Variants in PDE4B observed in about 807,000 individuals in gnomAD.
The protein encoded by PDE4B is phosphodiesterase 4B.
In PDE4B, 20 loss-of-function variants were observed where a neutral mutation model predicts 82.2. The observed-to-expected ratio is 0.24, with a 90% CI of 0.17 to 0.35. The LOEUF is 0.35. Ranked by LOEUF, PDE4B falls within the 10% of genes least tolerant of loss-of-function variation. The pLI is 1.00. For synonymous variants in PDE4B, 320 were observed against 318.9 expected (o/e 1.00, Z -0.04); for missense variants, 655 against 907.2 (o/e 0.72, Z 3.57).
chr1:66,118,360 G>A (rs1490936373), intron 3 of PDE4B, among the ~76,000 whole-genome samples: 1 of 152,176 alleles, frequency 6.6e-6, no homozygotes, highest in Non-Finnish European at 1.5e-5. Context: ...AGAAAATGTG[G>A]CACATATACA....
At chr1:66,319,172 A>T (rs752358384) in intron 7 of PDE4B, among the ~76,000 whole-genome samples, 13 of 152,220 alleles carry the variant, frequency 8.5e-5, no homozygotes, top group African/African-American at 3.1e-4. Flanking sequence ...TCAGGATAGC[A>T]TCAGGCAGAG....
intron 3 of PDE4B, among the ~76,000 whole-genome samples, chr1:66,041,654 G>C (rs1557518466): frequency 6.6e-6 from 1 of 151,898 alleles, no homozygotes; most frequent in Non-Finnish European, 1.5e-5. Flanking sequence ...GTCAAAGATA[G>C]CTGTCTCTGC....
chr1:66,018,552 AGG>A (rs1652907852), intron 3 of PDE4B, among the ~76,000 whole-genome samples: 5 of 152,178 alleles, frequency 3.3e-5, no homozygotes, highest in Non-Finnish European at 5.9e-5. Context: ...GAAATATCAA[AGG>A]ACAATTCCAA....
At chr1:65,924,348 A>G (rs2100495935) in intron 3 of PDE4B, among the ~76,000 whole-genome samples, 1 of 151,654 alleles carries the variant, frequency 6.6e-6, no homozygotes, top group East Asian at 1.9e-4. Context: ...TGCTGGGATT[A>G]CAGGCGTGAG....
rs954889735 is a variant in PDE4B, at chr1:66,021,878, A to C, written c.281+103043A>C. On this transcript the variant is annotated intron_variant, in intron 3 of 16. Coordinates refer to ENST00000341517, the MANE Select transcript of PDE4B (RefSeq NM_002600.4). ...TCATTGGTAGCTTGATGGGGATGGCATTGAATCTATAAATTACCTTGGGCA... is the reference window on the plus strand; with the variant it reads ...TCATTGGTAGCTTGATGGGGATGGCCTTGAATCTATAAATTACCTTGGGCA... Among the ~76,000 whole-genome samples, 121 of 152,286 alleles carry C rather than the reference A, an allele frequency of 7.9e-4. 1 individual carries two copies. Among genetic ancestry groups the C allele is most frequent in the African/African-American group, 2.6e-3 (108 of 41,560 alleles).
rs139955081 is a variant in PDE4B, at chr1:66,199,472, T to G, written c.282-47988T>G. Among the ~76,000 whole-genome samples the G allele has an allele frequency of 6.7e-3, 1,016 of 152,288 alleles. 12 individuals carry two copies. Among genetic ancestry groups the G allele is most frequent in the African/African-American group, 0.022 (932 of 41,532 alleles). ...TTTTGTTTTGTTTGTTTGTTTGTTTTTTTCTTGTAAATTTGTTTGAGTTCA... is the reference window on the plus strand; with the variant it reads ...TTTTGTTTTGTTTGTTTGTTTGTTTGTTTCTTGTAAATTTGTTTGAGTTCA... On this transcript the variant is annotated intron_variant, in intron 3 of 16. Transcript: ENST00000341517.
chr1:66,334,797 C>G (rs191496887), intron 8 of PDE4B, among the ~76,000 whole-genome samples: 4 of 152,204 alleles, frequency 2.6e-5, no homozygotes, highest in Non-Finnish European at 5.9e-5. Context: ...TAACATGCAC[C>G]ATGACACATA....
At chr1:66,039,553 T>C (rs1475758308) in intron 3 of PDE4B, among the ~76,000 whole-genome samples, 1 of 152,038 alleles carries the variant, frequency 6.6e-6, no homozygotes, top group Non-Finnish European at 1.5e-5. Context: ...TCTCTTACTT[T>C]CTCTCATGTC....
chr1:66,026,829 C>T (rs575631305), intron 3 of PDE4B, among the ~76,000 whole-genome samples: 18 of 152,328 alleles, frequency 1.2e-4, no homozygotes, highest in Non-Finnish European at 2.2e-4. Flanking sequence ...GCGTGTTCTT[C>T]ACCTCAACAA....
intron 1 of PDE4B, among the ~76,000 whole-genome samples, chr1:65,813,675 G>A (rs2101207410): frequency 6.6e-6 from 1 of 152,218 alleles, no homozygotes. Flanking sequence ...GATGAGATAG[G>A]TAAATTAAGA....
At chr1:66,239,462 T>C (rs1431372487) in intron 3 of PDE4B, among the ~76,000 whole-genome samples, 6 of 152,234 alleles carry the variant, frequency 3.9e-5, no homozygotes, top group African/African-American at 1.4e-4. Flanking sequence ...GGGGTTTTAG[T>C]AGATAAAAGT....
Position 66,368,850 on chromosome 1 carries a change from C to T in PDE4B, c.1726C>T (p.Arg576Trp), listed in dbSNP as rs750670488. ...CCCCACCAAGTCCTTGGAATTGTAT[C>T]GGCAATGGACAGACCGCATCATGGA... ...SNPTKSLELY[R>W]QWTDRIMEEF... Residue 576 changes from arginine to tryptophan, a missense_variant, in exon 16 of 17, where the codon CGG becomes TGG. This residue lies in a region of PDE4B where 283 missense variants were observed against 516.4 expected (regional missense o/e 0.55). Coordinates refer to ENST00000341517, the MANE Select transcript of PDE4B (RefSeq NM_002600.4). 6.2e-7 allele frequency: 1 copy of T among 1,612,514 alleles called. No homozygotes were observed. The highest frequency in any genetic ancestry group is 8.5e-7 in the Non-Finnish European group (1 of 1,179,040).
chr1:65,865,494 GT>G (rs1238005449), intron 1 of PDE4B, among the ~76,000 whole-genome samples: 1 of 152,124 alleles, frequency 6.6e-6, no homozygotes, highest in Non-Finnish European at 1.5e-5. Context: ...CAGCTGCCCA[GT>G]TTTTTGCTTG....
At chr1:65,875,982 AT>A (rs1258085512) in intron 1 of PDE4B, among the ~76,000 whole-genome samples, 22 of 151,656 alleles carry the variant, frequency 1.5e-4, no homozygotes, top group African/African-American at 5.1e-4. Context: ...AAAAAGAAAG[AT>A]TTTTTTCTTC....
chr1:65,882,837 A>G (rs1646724403), intron 1 of PDE4B, among the ~76,000 whole-genome samples: 1 of 152,216 alleles, frequency 6.6e-6, no homozygotes, highest in Non-Finnish European at 1.5e-5. Context: ...TAATAATTCA[A>G]CAGATAACAG....
intron 1 of PDE4B, among the ~76,000 whole-genome samples, chr1:65,877,432 G>A (rs1646657866): frequency 1.3e-5 from 2 of 151,956 alleles, no homozygotes; most frequent in Admixed American, 1.3e-4. Flanking sequence ...TGGCTAACAC[G>A]GTGAAACTCC....
chr1:65,981,908 G>T (rs547432075), intron 3 of PDE4B, among the ~76,000 whole-genome samples: 1 of 152,188 alleles, frequency 6.6e-6, no homozygotes, highest in African/African-American at 2.4e-5. Context: ...CTCAGCTGAT[G>T]CCTTCATTTT....
intron 1 of PDE4B, among the ~76,000 whole-genome samples, chr1:65,837,604 T>A (rs1216054440): frequency 7.2e-5 from 11 of 152,148 alleles, no homozygotes. Context: ...CAAGACTCCA[T>A]CTCAAAAACA....
At chr1:65,858,389 T>A (rs1646416698) in intron 1 of PDE4B, among the ~76,000 whole-genome samples, 1 of 152,208 alleles carries the variant, frequency 6.6e-6, no homozygotes, top group Non-Finnish European at 1.5e-5. Flanking sequence ...CATACCTGAT[T>A]TATAATCTTT....
Sources: gnomAD v4.1 joint callset for allele counts (sites outside exome capture counted in the v4.1 genomes callset) on GRCh38, gnomAD v4.1.1 for gene constraint, gnomAD v4.1.1 regional missense constraint, MANE v1.5 for transcripts, NCBI Gene and HGNC (gene_info 2026-07-23, HGNC 2026-07-21) for gene names.